Variants in PXDNL observed in about 807,000 individuals in gnomAD.
PXDNL encodes the protein probable oxidoreductase PXDNL.
PXDNL carries 145 observed loss-of-function variants against 150.8 expected under a neutral mutation model. That is an observed-to-expected ratio of 0.96 (90% CI 0.84 to 1.10). PXDNL has a LOEUF of 1.10. Ranked by LOEUF, PXDNL falls within the 50% of genes least tolerant of loss-of-function variation. The probability of loss-of-function intolerance (pLI) is 0.00; values close to 1 mark genes in which losing one functional copy is unlikely to be tolerated. For missense variants in PXDNL, 2,087 were observed against 1,873.9 expected, an observed-to-expected ratio of 1.11 and a Z score of -2.10; for synonymous variants, 757 against 725.7, an observed-to-expected ratio of 1.04 and a Z score of -0.69.
At chr8:51,525,541 A>AT (rs1463422732) in intron 4 of PXDNL, among the ~76,000 whole-genome samples, 4 of 152,238 alleles carry the variant, frequency 2.6e-5, no homozygotes, top group Admixed American at 2.0e-4. Context: ...AAGTTCTAAC[A>AT]TGGAGACAGA....
chr8:51,378,553 A>G (rs1807421992), intron 17 of PXDNL, among the ~76,000 whole-genome samples: 1 of 152,206 alleles, frequency 6.6e-6, no homozygotes, highest in Non-Finnish European at 1.5e-5. Flanking sequence ...AGCAGTGGCA[A>G]TCCTCTGGGG....
chr8:51,590,648 T>G (rs554223559), intron 3 of PXDNL, among the ~76,000 whole-genome samples: 1 of 152,228 alleles, frequency 6.6e-6, no homozygotes, highest in Non-Finnish European at 1.5e-5. Flanking sequence ...CCTTTCTTTT[T>G]GCCTATCTCT....
chr8:51,747,513 G>A (rs978397304), intron 1 of PXDNL, among the ~76,000 whole-genome samples: 4 of 152,166 alleles, frequency 2.6e-5, no homozygotes, highest in African/African-American at 9.7e-5. Context: ...TGTTTAATGT[G>A]GCATGCAAGC....
chr8:51,532,254 C>T (rs559354548), intron 4 of PXDNL, among the ~76,000 whole-genome samples: 13 of 152,304 alleles, frequency 8.5e-5, no homozygotes, highest in African/African-American at 2.9e-4. Context: ...AACAGCAAAG[C>T]CTGTTATTTT....
chr8:51,563,561 G>T (rs1218817901), intron 3 of PXDNL, among the ~76,000 whole-genome samples: 2 of 151,964 alleles, frequency 1.3e-5, no homozygotes, highest in African/African-American at 4.8e-5. Context: ...AGAGAGAAAA[G>T]AATGAGTAAC....
At chr8:51,521,750 A>T (rs1811668750) in intron 4 of PXDNL, among the ~76,000 whole-genome samples, 1 of 152,192 alleles carries the variant, frequency 6.6e-6, no homozygotes, top group Non-Finnish European at 1.5e-5. Flanking sequence ...CCTTGAAGTC[A>T]GTCAAAAGGA....
chr8:51,376,392 T>G (rs1164506922), intron 17 of PXDNL, among the ~76,000 whole-genome samples: 1 of 152,206 alleles, frequency 6.6e-6, no homozygotes. Context: ...ATAGATGGAC[T>G]TTTTAGATTT....
At chr8:51,586,722 C>T (rs1218907070) in intron 3 of PXDNL, among the ~76,000 whole-genome samples, 3 of 152,160 alleles carry the variant, frequency 2.0e-5, no homozygotes, top group African/African-American at 7.2e-5. Flanking sequence ...AATGCCAATG[C>T]TAAGGATACA....
intron 8 of PXDNL, among the ~76,000 whole-genome samples, chr8:51,458,699 A>T (rs913582782): frequency 6.6e-6 from 1 of 152,230 alleles, no homozygotes; most frequent in Non-Finnish European, 1.5e-5. Context: ...TTTCCCACTA[A>T]TTTCAAAATG....
chr8:51,621,820 G>T (rs1458224693), intron 2 of PXDNL, among the ~76,000 whole-genome samples: 1 of 151,308 alleles, frequency 6.6e-6, no homozygotes, highest in African/African-American at 2.4e-5. Flanking sequence ...TGCACCTGTA[G>T]TTTTGCTACT....
At chr8:51,330,957 C>A (rs60579236) in intron 21 of PXDNL, among the ~76,000 whole-genome samples, 1 of 151,994 alleles carries the variant, frequency 6.6e-6, no homozygotes, top group Non-Finnish European at 1.5e-5. Flanking sequence ...TAAGGACTTC[C>A]GATAGATGAT....
chr8:51,390,785 T>C (rs897044589), intron 17 of PXDNL, among the ~76,000 whole-genome samples: 3 of 152,094 alleles, frequency 2.0e-5, no homozygotes, highest in Admixed American at 6.5e-5. Context: ...AGGGTACATG[T>C]GCACAATGTG....
chr8:51,406,748 A>G (rs1808445831), intron 17 of PXDNL, among the ~76,000 whole-genome samples: 1 of 152,130 alleles, frequency 6.6e-6, no homozygotes, highest in Admixed American at 6.5e-5. Flanking sequence ...CGCGACTTCT[A>G]CCAAGCCCTT....
intron 4 of PXDNL, among the ~76,000 whole-genome samples, chr8:51,536,955 C>CTTA (rs1350453370): frequency 1.3e-5 from 2 of 152,184 alleles, no homozygotes; most frequent in Non-Finnish European, 2.9e-5. Flanking sequence ...ACCTAACGTG[C>CTTA]TTATTGGCTG....
intron 21 of PXDNL, among the ~76,000 whole-genome samples, chr8:51,331,048 A>ATCAACTGC (rs1441233146): frequency 6.6e-6 from 1 of 152,160 alleles, no homozygotes; most frequent in Non-Finnish European, 1.5e-5. Context: ...TTAACTCCAG[A>ATCAACTGC]TCAACTGCAA....
intron 3 of PXDNL, among the ~76,000 whole-genome samples, chr8:51,561,082 G>A (rs1341465027): frequency 6.6e-6 from 1 of 151,828 alleles, no homozygotes; most frequent in African/African-American, 2.4e-5. Context: ...CACATGTTAG[G>A]ATAGCTACTT....
rs201970177 is a variant in PXDNL at position 51,403,088 on chromosome 8, CAAAAAA to C, written c.3557+4973_3557+4978del. ...AGGCGATAGAGCCAAACTCCCTCTCCAAAAAAAAAAAAAAAGAAAAAGAAAAAGAAA... is the reference window on the plus strand; with the variant it reads ...AGGCGATAGAGCCAAACTCCCTCTCCAAAAAAAAAGAAAAAGAAAAAGAAA... On this transcript the variant is annotated intron_variant, in intron 17 of 22. Coordinates refer to ENST00000356297, the MANE Select transcript of PXDNL (RefSeq NM_144651.5). Among the ~76,000 whole-genome samples the C allele has an allele frequency of 0.013, 698 of 52,846 alleles. 26 individuals carry two copies. The South Asian group carries it at 0.14, about 10-fold the overall frequency. The allele number at this position is 52,846 out of a possible 152,430, so 34.7% of individuals were successfully genotyped here.
chr8:51,552,430 GA>G (rs1410366793), intron 4 of PXDNL, among the ~76,000 whole-genome samples: 3 of 152,132 alleles, frequency 2.0e-5, no homozygotes, highest in Admixed American at 2.0e-4. Context: ...GAACCAGCTT[GA>G]ATGCCCATCA....
intron 1 of PXDNL, among the ~76,000 whole-genome samples, chr8:51,721,067 C>G (rs1226030693): frequency 6.6e-6 from 1 of 152,252 alleles, no homozygotes; most frequent in African/African-American, 2.4e-5. Context: ...GTGAACAAGT[C>G]TCAGAGCCTC....
Sources: gnomAD v4.1 joint callset for allele counts (sites outside exome capture counted in the v4.1 genomes callset) on GRCh38, gnomAD v4.1.1 for gene constraint, MANE v1.5 for transcripts, NCBI Gene and HGNC (gene_info 2026-07-23, HGNC 2026-07-21) for gene names.